MAP3K13: variants seen among roughly 807,000 people sequenced by gnomAD.
The protein encoded by MAP3K13 is leucine zipper-bearing kinase.
In MAP3K13, 52 loss-of-function variants were observed where a neutral mutation model predicts 104.0. The observed-to-expected ratio is 0.50, with a 90% CI of 0.40 to 0.63. The LOEUF (loss-of-function observed/expected upper bound fraction) is 0.63. Ranked by LOEUF, MAP3K13 falls within the 20% of genes least tolerant of loss-of-function variation. MAP3K13 has a pLI of 0.00. For synonymous variants in MAP3K13, 394 were observed against 442.2 expected (o/e 0.89, Z 1.37); for missense variants, 914 against 1,218.5 (o/e 0.75, Z 3.72).
At chr3:185,334,012 C>T (rs1353416407) in intron 2 of MAP3K13, among the ~76,000 whole-genome samples, 1 of 152,094 alleles carries the variant, frequency 6.6e-6, no homozygotes, top group Non-Finnish European at 1.5e-5. Context: ...TATGGTCATG[C>T]CACTGCACTC....
intron 1 of MAP3K13, chr3:185,417,574 G>C (rs1713851275): frequency 6.2e-7 from 1 of 1,609,658 alleles, no homozygotes; most frequent in Non-Finnish European, 8.5e-7. Flanking sequence ...CTTGGTAGCT[G>C]CTGCCTTTTT....
At chr3:185,386,377 C>T (rs916321330) in intron 1 of MAP3K13, among the ~76,000 whole-genome samples, 4 of 152,066 alleles carry the variant, frequency 2.6e-5, no homozygotes, top group Non-Finnish European at 4.4e-5. Context: ...CCACCTCATA[C>T]CAATCAGAAT....
chr3:185,456,017 A>G, intron 7 of MAP3K13, among the ~76,000 whole-genome samples: 1 of 148,290 alleles, frequency 6.7e-6, no homozygotes, highest in South Asian at 2.1e-4. Flanking sequence ...ATATATATAT[A>G]TATGAGATAT....
At chr3:185,388,633 C>T (rs949575080) in intron 1 of MAP3K13, among the ~76,000 whole-genome samples, 2 of 152,070 alleles carry the variant, frequency 1.3e-5, no homozygotes, top group East Asian at 1.9e-4. Flanking sequence ...AGAGTCAATG[C>T]CATCCCTATC....
rs183571847 is a variant in MAP3K13, at chr3:185,473,639, G to A, written c.2308G>A (p.Ala770Thr). 1.4e-5 allele frequency: 22 copies of A among 1,614,156 alleles called. No homozygotes were observed. Among genetic ancestry groups the A allele is most frequent in the Admixed American group, 6.7e-5 (4 of 60,012 alleles). ...AGCACATAATCCTCTCTTGGAAAAC[G>A]CCCAGAGTTCTGAGAAAACGGAAGA... ...SPAHNPLLEN[A>T]QSSEKTEENE... is the part of the protein sequence containing the mutation. The change falls in exon 11 of 14, where the codon GCC (alanine) becomes ACC (threonine). Residue 770 changes from alanine (A) to threonine (T), a missense_variant. Coordinates refer to ENST00000265026, the MANE Select transcript of MAP3K13 (RefSeq NM_004721.5). The surrounding 1 kb of genome is among the most constrained non-coding windows in gnomAD (Gnocchi z 4.9).
chr3:185,347,558 C>T (rs1722974090), intron 2 of MAP3K13, among the ~76,000 whole-genome samples: 1 of 152,170 alleles, frequency 6.6e-6, no homozygotes, highest in Non-Finnish European at 1.5e-5. Flanking sequence ...CCCATTTTCT[C>T]TTTCACATTT....
intron 2 of MAP3K13, among the ~76,000 whole-genome samples, chr3:185,356,054 G>A (rs1488935556): frequency 6.6e-6 from 1 of 152,172 alleles, no homozygotes; most frequent in African/African-American, 2.4e-5. Context: ...AAAGATTTCT[G>A]TGAAGGTCAC....
At chr3:185,404,484 A>C (rs1227839522) in intron 1 of MAP3K13, among the ~76,000 whole-genome samples, 1 of 152,168 alleles carries the variant, frequency 6.6e-6, no homozygotes, top group Non-Finnish European at 1.5e-5. Flanking sequence ...ATGGAAACGG[A>C]ATGGATTGTC....
At chr3:185,412,689 A>G (rs568435595) in intron 1 of MAP3K13, among the ~76,000 whole-genome samples, 1 of 152,360 alleles carries the variant, frequency 6.6e-6, no homozygotes, top group African/African-American at 2.4e-5. Flanking sequence ...AGTAAGTCAC[A>G]AGAAATGTAA....
intron 1 of MAP3K13, among the ~76,000 whole-genome samples, chr3:185,389,407 A>T (rs778988211): frequency 2.6e-5 from 4 of 152,150 alleles, no homozygotes; most frequent in Non-Finnish European, 5.9e-5. Context: ...GGGTTAAATG[A>T]GATAAGGTAC....
chr3:185,445,117 A>T (rs1715526345), intron 4 of MAP3K13, among the ~76,000 whole-genome samples: 2 of 152,188 alleles, frequency 1.3e-5, no homozygotes, highest in Admixed American at 1.3e-4. Context: ...CCTGGCAAAA[A>T]CTGTGTGGGA....
chr3:185,428,688 A>G lies in MAP3K13; in HGVS notation c.107A>G (p.Asn36Ser). 6.2e-7 allele frequency: 1 copy of G among 1,614,150 alleles called. No homozygotes were observed. The highest frequency in any genetic ancestry group is 8.5e-7 in the Non-Finnish European group (1 of 1,180,016). ...CAAGATGAGCTCACAGCTATGGGGA[A>G]CCACCCTTCTCCCAAGCTGCTCGAG... ...GLQDELTAMG[N>S]HPSPKLLEDQ... Residue 36 changes from asparagine (N) to serine (S), a missense_variant, in exon 2 of 14, where the codon AAC becomes AGC. Transcript: ENST00000265026.
chr3:185,377,829 G>T (rs1724506635), intron 1 of MAP3K13, among the ~76,000 whole-genome samples: 1 of 152,252 alleles, frequency 6.6e-6, no homozygotes, highest in Admixed American at 6.5e-5. Flanking sequence ...AGAAGATCTG[G>T]GAAGGGGCCT....
In MAP3K13 at chr3:185,363,974, T is replaced by C. The variant is rs549998646; in HGVS notation, c.-86+606T>C. Among the ~76,000 whole-genome samples the C allele has an allele frequency of 6.7e-4, 102 of 152,352 alleles. No homozygotes were observed. The Middle Eastern group carries it at 0.01, about 15-fold the overall frequency. On this transcript the variant is annotated intron_variant, in intron 1 of 13. Transcript: ENST00000265026. ...CTTCTTTATGTCACTCTCTACACTT[T>C]ATAGTGTCAAAAACTTAAAAAGCTG... is the stretch of plus-strand genomic sequence containing the variant.
chr3:185,370,045 TTCTTAGTGA>T (rs1724078584), intron 1 of MAP3K13, among the ~76,000 whole-genome samples: 1 of 152,230 alleles, frequency 6.6e-6, no homozygotes, highest in Admixed American at 6.5e-5. Context: ...GAAAAAATTG[TTCTTAGTGA>T]TCTCAGATGT....
chr3:185,371,967 G>A (rs1218483832), intron 1 of MAP3K13, among the ~76,000 whole-genome samples: 3 of 152,172 alleles, frequency 2.0e-5, no homozygotes, highest in Non-Finnish European at 4.4e-5. Context: ...GATAACCATG[G>A]ATAATTGAGA....
intron 1 of MAP3K13, among the ~76,000 whole-genome samples, chr3:185,386,119 A>G (rs956133039): frequency 6.6e-6 from 1 of 152,208 alleles, no homozygotes; most frequent in Non-Finnish European, 1.5e-5. Flanking sequence ...AACAGAATAA[A>G]CAGACAATCT....
intron 11 of MAP3K13, 26 bp from the exon 12 acceptor site, chr3:185,477,300 A>G (rs563466400): frequency 1.2e-5 from 17 of 1,470,038 alleles, no homozygotes; most frequent in Non-Finnish European, 1.6e-5. Flanking sequence ...AAAATAAATA[A>G]AACTCTTAAT....
intron 2 of MAP3K13, among the ~76,000 whole-genome samples, chr3:185,355,835 T>C (rs956131277): frequency 1.3e-5 from 2 of 152,210 alleles, no homozygotes; most frequent in Non-Finnish European, 2.9e-5. Context: ...TGCATGAAAT[T>C]CAGAAATATA....
Sources: allele counts gnomAD v4.1 joint callset (sites outside exome capture counted in the v4.1 genomes callset), GRCh38; gene constraint gnomAD v4.1.1; non-coding constraint Gnocchi (gnomAD v3.1); transcripts MANE v1.5; gene names NCBI Gene and HGNC (gene_info 2026-07-23, HGNC 2026-07-21).